Variants in CNTNAP2 observed in about 807,000 individuals in gnomAD.
The protein encoded by CNTNAP2 is contactin-associated protein-like 2.
CNTNAP2 carries 98 observed loss-of-function variants against 155.2 expected under a neutral mutation model. The observed-to-expected ratio is 0.63, with a 90% CI of 0.54 to 0.75. The LOEUF is 0.75. Ranked by LOEUF, CNTNAP2 falls within the 30% of genes least tolerant of loss-of-function variation. The probability of loss-of-function intolerance (pLI) is 0.00; values close to 1 mark genes in which losing one functional copy is unlikely to be tolerated. For synonymous variants in CNTNAP2, 651 were observed against 631.2 expected (o/e 1.03, Z -0.47); for missense variants, 1,727 against 1,688.1 (o/e 1.02, Z -0.40).
intron 1 of CNTNAP2, among the ~76,000 whole-genome samples, chr7:146,756,735 A>G (rs996590670): frequency 3.9e-5 from 6 of 152,068 alleles, no homozygotes; most frequent in African/African-American, 1.4e-4. Context: ...CTCTAATTCT[A>G]AATATCAGTT....
intron 2 of CNTNAP2, among the ~76,000 whole-genome samples, chr7:146,831,213 C>G (rs1166443770): frequency 2.0e-5 from 3 of 152,066 alleles, no homozygotes; most frequent in Admixed American, 6.6e-5. Flanking sequence ...GTTATTTTTC[C>G]CAGATGTACC....
chr7:147,660,952 T>G (rs1034035348), intron 13 of CNTNAP2, among the ~76,000 whole-genome samples: 4 of 152,170 alleles, frequency 2.6e-5, no homozygotes, highest in Non-Finnish European at 4.4e-5. Context: ...AGAATTCTCA[T>G]GCCCCCCTAT....
At chr7:146,515,432 G>T (rs1797526500) in intron 1 of CNTNAP2, among the ~76,000 whole-genome samples, 1 of 151,992 alleles carries the variant, frequency 6.6e-6, no homozygotes, top group Non-Finnish European at 1.5e-5. Context: ...TTTATCATTT[G>T]TTTGTGGCCC....
intron 9 of CNTNAP2, among the ~76,000 whole-genome samples, chr7:147,390,448 T>C (rs578220392): frequency 1.3e-5 from 2 of 152,262 alleles, no homozygotes; most frequent in South Asian, 4.1e-4. Context: ...TCTGACTTGA[T>C]ATTTCTTATA....
chr7:147,663,232 G>A (rs556598922), intron 13 of CNTNAP2, among the ~76,000 whole-genome samples: 78 of 152,278 alleles, frequency 5.1e-4, no homozygotes, highest in African/African-American at 1.8e-3. Context: ...CCTTGACCTC[G>A]TGATCCACCC....
At chr7:146,818,073 T>C (rs1803208193) in intron 2 of CNTNAP2, among the ~76,000 whole-genome samples, 1 of 152,204 alleles carries the variant, frequency 6.6e-6, no homozygotes, top group African/African-American at 2.4e-5. Flanking sequence ...TTCTGTACTT[T>C]ATATTTTTCC....
intron 11 of CNTNAP2, among the ~76,000 whole-genome samples, chr7:147,541,494 A>G (rs544128619): frequency 2.6e-5 from 4 of 152,306 alleles, no homozygotes; most frequent in African/African-American, 4.8e-5. Context: ...AGTGAGGGAG[A>G]TAGATCACAT....
chr7:148,177,157 AGT>A (rs1367366758), intron 18 of CNTNAP2, among the ~76,000 whole-genome samples: 1 of 152,240 alleles, frequency 6.6e-6, no homozygotes, highest in African/African-American at 2.4e-5. Context: ...TAGATTGAAT[AGT>A]GTCCCCCAAA....
chr7:147,525,434 A>C (rs1799301402), intron 11 of CNTNAP2, among the ~76,000 whole-genome samples: 2 of 152,212 alleles, frequency 1.3e-5, no homozygotes, highest in Non-Finnish European at 2.9e-5. Context: ...AATGCAAACC[A>C]ACACTCCAAG....
At position 148,021,495 on chromosome 7, in the gene CNTNAP2, C is replaced by T. The variant is rs147875757; in HGVS notation, c.2383+43506C>T. Among the ~76,000 whole-genome samples, 848 of 152,236 alleles carry T rather than the reference C, an allele frequency of 5.6e-3. 6 individuals are homozygous for T. The highest frequency in any genetic ancestry group is 0.01 in the Admixed American group (155 of 15,296). ...TTTCTAGATGTCCCTAACGCTGAAT[C>T]CTAAAAGATGAGAAGCATTTCTAGG... is the stretch of plus-strand genomic sequence containing the variant. On this transcript the variant is annotated intron_variant, in intron 15 of 23. Transcript: ENST00000361727.
chr7:147,338,913 T>C (rs1424005644), intron 9 of CNTNAP2, among the ~76,000 whole-genome samples: 1 of 152,148 alleles, frequency 6.6e-6, no homozygotes, highest in Admixed American at 6.5e-5. Context: ...ATCATGCTTC[T>C]GTATTATTTG....
At chr7:147,565,294 A>G (rs1456581079) in intron 12 of CNTNAP2, among the ~76,000 whole-genome samples, 1 of 152,190 alleles carries the variant, frequency 6.6e-6, no homozygotes, top group Non-Finnish European at 1.5e-5. Context: ...GAGTGACTCA[A>G]AATAAAGCAG....
intron 4 of CNTNAP2, among the ~76,000 whole-genome samples, chr7:147,093,086 TATATATTA>T (rs1415870737): frequency 1.9e-4 from 29 of 149,942 alleles, no homozygotes; most frequent in African/African-American, 5.9e-4. Context: ...TATATATATA[TATATATTA>T]GCCGGGCGTG....
chr7:147,661,076 A>G lies in CNTNAP2; in HGVS notation c.2098+21770A>G, dbSNP rs193102707. Among the ~76,000 whole-genome samples, 482 of 152,168 alleles carry G rather than the reference A, an allele frequency of 3.2e-3. 5 individuals are homozygous for G. The highest frequency in any genetic ancestry group is 0.03 in the Admixed American group (452 of 15,290). On this transcript the variant is annotated intron_variant, in intron 13 of 23. Transcript: ENST00000361727. Reference sequence around the variant, plus strand: ...ATGGCTATTGAAAACCTATTTCTCCATGATGTACCTATCTTTCCTGGGCCC... The same window carrying G: ...ATGGCTATTGAAAACCTATTTCTCCGTGATGTACCTATCTTTCCTGGGCCC...
chr7:146,579,399 C>T (rs942257483), intron 1 of CNTNAP2, among the ~76,000 whole-genome samples: 2 of 152,086 alleles, frequency 1.3e-5, no homozygotes, highest in Admixed American at 1.3e-4. Flanking sequence ...GACACCTATA[C>T]ACCACGCTCC....
chr7:146,772,588 G>A lies in CNTNAP2; in HGVS notation c.98-1683G>A, dbSNP rs1292509465. On this transcript the variant is annotated intron_variant, in intron 1 of 23. Transcript: ENST00000361727. ...GGAGGCTGAGGCAGGTGAATCGCTTGAACCCGGGAGACAGAGGTTGCAGTG... is the reference window on the plus strand; with the variant it reads ...GGAGGCTGAGGCAGGTGAATCGCTTAAACCCGGGAGACAGAGGTTGCAGTG... 2.6e-5 allele frequency among the ~76,000 whole-genome samples: 4 copies of A among 152,098 alleles called. No individual in the cohort carries two copies. The East Asian group carries it at 7.7e-4, about 29-fold the overall frequency.
intron 1 of CNTNAP2, among the ~76,000 whole-genome samples, chr7:146,377,930 G>A (rs925418732): frequency 2.6e-5 from 4 of 152,148 alleles, no homozygotes; most frequent in African/African-American, 9.7e-5. Flanking sequence ...CAAGCTTTGT[G>A]CTTTCAGTAC....
chr7:147,895,591 T>G (rs1799763541), intron 13 of CNTNAP2, among the ~76,000 whole-genome samples: 1 of 152,240 alleles, frequency 6.6e-6, no homozygotes, highest in Admixed American at 6.5e-5. Context: ...AGAGAAGTTC[T>G]TGAACTCTTG....
chr7:147,925,683 G>T (rs374998994), intron 14 of CNTNAP2, among the ~76,000 whole-genome samples: 2 of 152,036 alleles, frequency 1.3e-5, no homozygotes, highest in Admixed American at 6.6e-5. Flanking sequence ...GGATAGTCTC[G>T]ATCTCCTGAC....
Sources: gnomAD v4.1 joint callset for allele counts (sites outside exome capture counted in the v4.1 genomes callset) on GRCh38, gnomAD v4.1.1 for gene constraint, MANE v1.5 for transcripts, NCBI Gene and HGNC (gene_info 2026-07-23, HGNC 2026-07-21) for gene names.